The following DENND1A variants were observed in gnomAD, a reference collection of about 807,000 sequenced individuals.
DENND1A encodes the protein DENN domain-containing protein 1A.
A neutral mutation model predicts 113.7 loss-of-function variants in DENND1A; 51 were observed. The ratio of observed to expected loss-of-function variants is 0.45; its 90% CI spans 0.36 to 0.57. The LOEUF (loss-of-function observed/expected upper bound fraction) is 0.57. Among genes scored for constraint, DENND1A ranks in the 20% least tolerant of loss-of-function variants. The pLI is 0.00. For missense variants in DENND1A, 1,258 were observed against 1,395.9 expected, an observed-to-expected ratio of 0.90 and a Z score of 1.57; for synonymous variants, 565 against 570.8, an observed-to-expected ratio of 0.99 and a Z score of 0.14.
At chr9:123,824,251 C>T (rs1204763181) in intron 2 of DENND1A, among the ~76,000 whole-genome samples, 1 of 152,138 alleles carries the variant, frequency 6.6e-6, no homozygotes, top group Non-Finnish European at 1.5e-5. Context: ...GATCTAGAAA[C>T]ACCCCAAAAC....
intron 22 of DENND1A, among the ~76,000 whole-genome samples, chr9:123,386,450 C>T (rs1023599429): frequency 3.4e-5 from 5 of 148,350 alleles, no homozygotes; most frequent in African/African-American, 5.0e-5. Context: ...AGTGTGATCT[C>T]GGCTCACTGC....
At chr9:123,383,370 G>A (rs2042382214) in intron 23 of DENND1A, among the ~76,000 whole-genome samples, 1 of 152,214 alleles carries the variant, frequency 6.6e-6, no homozygotes, top group Non-Finnish European at 1.5e-5. Context: ...CTGCCTGGGG[G>A]TGCGAGGAGA....
chr9:123,447,619 G>A (rs1564505910), intron 18 of DENND1A, among the ~76,000 whole-genome samples: 1 of 152,164 alleles, frequency 6.6e-6, no homozygotes, highest in Non-Finnish European at 1.5e-5. Context: ...GCTATGCAGA[G>A]TTAGAGGAGG....
At chr9:123,617,323 C>G (rs917400308) in intron 10 of DENND1A, among the ~76,000 whole-genome samples, 4 of 152,194 alleles carry the variant, frequency 2.6e-5, no homozygotes, top group African/African-American at 9.7e-5. Flanking sequence ...GCACGGGGCC[C>G]TGCCACAGCA....
intron 5 of DENND1A, among the ~76,000 whole-genome samples, chr9:123,690,833 C>T (rs2065145788): frequency 6.6e-6 from 1 of 152,242 alleles, no homozygotes; most frequent in Admixed American, 6.5e-5. Context: ...AGCTTAGTAA[C>T]TGTGATGACC....
intron 5 of DENND1A, among the ~76,000 whole-genome samples, chr9:123,725,332 T>C (rs2067623371): frequency 6.6e-6 from 1 of 152,238 alleles, no homozygotes; most frequent in South Asian, 2.1e-4. Flanking sequence ...AGGTCTTTGA[T>C]GTGACTCAGT....
intron 2 of DENND1A, among the ~76,000 whole-genome samples, chr9:123,806,363 C>A (rs1292571364): frequency 6.6e-6 from 1 of 152,180 alleles, no homozygotes; most frequent in African/African-American, 2.4e-5. Context: ...TCAAGCGATT[C>A]TCCCGCCTCA....
intron 13 of DENND1A, among the ~76,000 whole-genome samples, chr9:123,543,816 A>G (rs763490478): frequency 1.3e-5 from 2 of 152,154 alleles, no homozygotes; most frequent in Non-Finnish European, 2.9e-5. Flanking sequence ...ACATTCTACT[A>G]TAGCAGTTCC....
chr9:123,386,842 A>G (rs1237250998), intron 22 of DENND1A, among the ~76,000 whole-genome samples: 3 of 152,208 alleles, frequency 2.0e-5, no homozygotes, highest in Non-Finnish European at 4.4e-5. Context: ...AGGAACCCAC[A>G]GGCCATCCCA....
chr9:123,855,468 G>C (rs1844023239), intron 2 of DENND1A, among the ~76,000 whole-genome samples: 2 of 152,054 alleles, frequency 1.3e-5, no homozygotes, highest in Admixed American at 6.6e-5. Flanking sequence ...AAAAGAGAAA[G>C]ACCAGATCCT....
chr9:123,579,620 A>G (rs1026767115), intron 12 of DENND1A, among the ~76,000 whole-genome samples: 1 of 152,094 alleles, frequency 6.6e-6, no homozygotes, highest in African/African-American at 2.4e-5. Context: ...GAGGAAGAGG[A>G]TGTGGATTTA....
chr9:123,620,425 A>G (rs1438741132), intron 10 of DENND1A, among the ~76,000 whole-genome samples: 1 of 152,018 alleles, frequency 6.6e-6, no homozygotes, highest in East Asian at 1.9e-4. Context: ...ATGTACAGCA[A>G]TGTTTTTAGC....
intron 20 of DENND1A, 51 bp downstream of exon 20, chr9:123,411,725 G>A: frequency 2.0e-6 from 2 of 982,758 alleles, no homozygotes; most frequent in South Asian, 9.4e-5. Flanking sequence ...GGCTGAGGGA[G>A]AATGGCTCAG....
At chr9:123,810,602 G>GA (rs960321758) in intron 2 of DENND1A, among the ~76,000 whole-genome samples, 168 of 140,294 alleles carry the variant, frequency 1.2e-3, no homozygotes, top group African/African-American at 3.6e-3. Flanking sequence ...TAAACTAAAG[G>GA]AAAAAAAAAA....
chr9:123,505,467 C>G (rs1279799995), intron 13 of DENND1A, among the ~76,000 whole-genome samples: 1 of 152,152 alleles, frequency 6.6e-6, no homozygotes, highest in Non-Finnish European at 1.5e-5. Context: ...GTTAACATAT[C>G]CCTACCAGAA....
intron 11 of DENND1A, among the ~76,000 whole-genome samples, chr9:123,602,389 A>T (rs1414997084): frequency 6.6e-6 from 1 of 152,138 alleles, no homozygotes. Context: ...AATATTTTTG[A>T]TCTGTGGTTG....
intron 5 of DENND1A, among the ~76,000 whole-genome samples, chr9:123,691,687 A>G (rs1211651740): frequency 6.6e-6 from 1 of 151,838 alleles, no homozygotes; most frequent in East Asian, 1.9e-4. Flanking sequence ...GAAATCAAAG[A>G]AGGGTTTCAA....
At chr9:123,445,668 C>T (rs1296873334) in intron 18 of DENND1A, among the ~76,000 whole-genome samples, 1 of 152,118 alleles carries the variant, frequency 6.6e-6, no homozygotes, top group Non-Finnish European at 1.5e-5. Context: ...GTCAGGAGTT[C>T]GAGACCAGCC....
chr9:123,639,442 C>G (rs1477937777), intron 9 of DENND1A, among the ~76,000 whole-genome samples: 1 of 135,784 alleles, frequency 7.4e-6, no homozygotes, highest in Admixed American at 7.4e-5. Flanking sequence ...CCGTATCCCC[C>G]CAACCCCCTA....
Sources: allele counts gnomAD v4.1 joint callset (sites outside exome capture counted in the v4.1 genomes callset), GRCh38; gene constraint gnomAD v4.1.1; transcripts MANE v1.5; gene names NCBI Gene and HGNC (gene_info 2026-07-23, HGNC 2026-07-21).